Variants in GCC2 observed in about 807,000 individuals in gnomAD.
GCC2 encodes the protein GRIP and coiled-coil domain containing 2.
A neutral mutation model predicts 210.6 loss-of-function variants in GCC2; 120 were observed. The ratio of observed to expected loss-of-function variants is 0.57; its 90% CI spans 0.49 to 0.66. The LOEUF (loss-of-function observed/expected upper bound fraction) is 0.66, where lower values mean the gene tolerates loss of function less well. GCC2 is among the 30% of genes least tolerant of loss of function. The pLI, the probability that GCC2 is intolerant of heterozygous loss-of-function variation, is 0.00. For missense variants in GCC2, 1,868 were observed against 1,871.9 expected, an observed-to-expected ratio of 1.00 and a Z score of 0.04; for synonymous variants, 703 against 652.7, an observed-to-expected ratio of 1.08 and a Z score of -1.17.
At chr2:108,476,282 A>G (rs1681520166) in intron 9 of GCC2, among the ~76,000 whole-genome samples, 1 of 151,314 alleles carries the variant, frequency 6.6e-6, no homozygotes, top group Non-Finnish European at 1.5e-5. Context: ...CTGGTCTTGA[A>G]CTCCTGACCT....
At chr2:108,474,512 A>C (rs997766304) in intron 7 of GCC2, among the ~76,000 whole-genome samples, 1 of 152,192 alleles carries the variant, frequency 6.6e-6, no homozygotes, top group Non-Finnish European at 1.5e-5. Context: ...TTCTAGAAAA[A>C]AATGGGGGAG....
intron 19 of GCC2, chr2:108,494,482 C>T (rs1207572140): frequency 1.3e-5 from 2 of 152,042 alleles, no homozygotes; most frequent in Non-Finnish European, 2.9e-5. Context: ...TGTATGAGCA[C>T]TGTAGGTGTG....
intron 21 of GCC2, among the ~76,000 whole-genome samples, chr2:108,497,317 C>T (rs1682694188): frequency 6.6e-6 from 1 of 152,142 alleles, no homozygotes; most frequent in South Asian, 2.1e-4. Context: ...CAGGGTTTAC[C>T]ATGTTAGCCA....
chr2:108,457,797 G>A (rs1470336625), intron 4 of GCC2, among the ~76,000 whole-genome samples: 1 of 152,076 alleles, frequency 6.6e-6, no homozygotes, highest in Non-Finnish European at 1.5e-5. Context: ...TTTGTATGTT[G>A]AATTTGTATC....
chr2:108,507,698 C>T lies in GCC2; in HGVS notation c.*68C>T. On this transcript the variant is annotated 3_prime_UTR_variant, in exon 23 of 23. Transcript: ENST00000309863. ...TACAAAAATGGTTCACGTATATTAC[C>T]ACAATTCTTTTGTCAAAAAGTGTGT... 2.7e-6 allele frequency: 3 copies of T among 1,107,094 alleles called. No homozygotes were observed. In the South Asian group the frequency reaches 4.0e-5, roughly 15 times the overall value. The allele number at this position is 1,107,094 out of a possible 1,614,324, so 68.6% of individuals were successfully genotyped here.
At chr2:108,473,823 C>G (rs1681363339) in intron 7 of GCC2, among the ~76,000 whole-genome samples, 1 of 151,992 alleles carries the variant, frequency 6.6e-6, no homozygotes, top group Admixed American at 6.6e-5. Context: ...GAGAGCTAAG[C>G]TAGAGATAAA....
chr2:108,479,840 G>T (rs1458879308), intron 9 of GCC2, among the ~76,000 whole-genome samples: 2 of 151,972 alleles, frequency 1.3e-5, no homozygotes, highest in African/African-American at 2.4e-5. Flanking sequence ...AAATTAGCCA[G>T]GTGTGGTAGC....
chr2:108,483,972 A>G (rs1418541559), intron 12 of GCC2, among the ~76,000 whole-genome samples, 177 bp from the exon 13 acceptor site: 1 of 152,218 alleles, frequency 6.6e-6, no homozygotes, highest in Non-Finnish European at 1.5e-5. Context: ...TGTGAAATTA[A>G]AAAGTAGAAA....
In GCC2 at chr2:108,459,745, C is replaced by CTT. The variant is rs34052393; in HGVS notation, c.216+7311_216+7312dup. ...GCCATTAGATAATGACCTTCTTTGT[C>CTT]TTTTTTTTTTTTTTTTTTTTTTTTT... On this transcript the variant is annotated intron_variant, in intron 4 of 22. Coordinates refer to ENST00000309863, the MANE Select transcript of GCC2 (RefSeq NM_181453.4). Among the ~76,000 whole-genome samples, 168 of 26,712 alleles carry CTT rather than the reference C, an allele frequency of 6.3e-3. 6 individuals carry two copies. Among genetic ancestry groups the CTT allele is most frequent in the South Asian group, 0.022 (9 of 404 alleles). The allele number at this position is 26,712 out of a possible 152,430, so 17.5% of individuals were successfully genotyped here. A position where few individuals can be genotyped will look rare whatever the true frequency, so the allele number is the denominator to read the frequency against.
chr2:108,459,416 G>A (rs1385242049), intron 4 of GCC2, among the ~76,000 whole-genome samples: 3 of 152,200 alleles, frequency 2.0e-5, no homozygotes, highest in African/African-American at 7.2e-5. Context: ...CTTTTCTGAA[G>A]AATGAATGTT....
At chr2:108,463,780 G>T (rs1288889419) in intron 4 of GCC2, among the ~76,000 whole-genome samples, 1 of 152,162 alleles carries the variant, frequency 6.6e-6, no homozygotes, top group Non-Finnish European at 1.5e-5. Flanking sequence ...CAACAGCAGT[G>T]GTGGGACAAC....
At position 108,496,314 on chromosome 2, in the gene GCC2, AG is replaced by A. The variant is rs1682645743; in HGVS notation, c.4643-651del. The A allele has an allele frequency of 3.3e-5, 5 of 152,852 alleles. No homozygotes were observed. The South Asian group carries it at 1.0e-3, about 31-fold the overall frequency. 9.5% of individuals were successfully genotyped at this position (152,852 alleles called of 1,614,324 possible). Reference sequence around the variant, plus strand: ...TAATTAATATTACTGTTCAAAATTTAGGGGGAATCTGTCATCTCCCTGAAAC... The same window carrying A: ...TAATTAATATTACTGTTCAAAATTTAGGGGAATCTGTCATCTCCCTGAAAC... On this transcript the variant is annotated intron_variant, in intron 20 of 22. Transcript: ENST00000309863.
chr2:108,486,512 T>C lies in GCC2; in HGVS notation c.3794T>C (p.Ile1265Thr). The part of the protein sequence containing the change: ...ASQQQVEVYK[I>T]QLAEITSEKH... Reference sequence around the variant, plus strand: ...CTAAATTTAAAGATTTACCCCCAGATACAGCTGGCTGAAATAACATCAGAG... The same window carrying C: ...CTAAATTTAAAGATTTACCCCCAGACACAGCTGGCTGAAATAACATCAGAG... The change falls in exon 16 of 23, where the codon ATA (isoleucine) becomes ACA (threonine). Residue 1265 changes from isoleucine to threonine, a missense_variant and splice_region_variant. Coordinates refer to ENST00000309863, the MANE Select transcript of GCC2 (RefSeq NM_181453.4). 6.2e-7 allele frequency: 1 copy of C among 1,614,090 alleles called. No homozygotes were observed. The highest frequency in any genetic ancestry group is 8.5e-7 in the Non-Finnish European group (1 of 1,179,960).
chr2:108,494,322 C>G (rs917021254), intron 19 of GCC2: 1 of 151,806 alleles, frequency 6.6e-6, no homozygotes, highest in African/African-American at 2.4e-5. Flanking sequence ...TGCTGTGAGC[C>G]AAGATCGTGC....
chr2:108,497,035 A>G lies in GCC2; in HGVS notation c.4708A>G (p.Lys1570Glu), dbSNP rs769552985. The G allele has an allele frequency of 5.0e-6, 8 of 1,611,954 alleles. No homozygotes were observed. Among genetic ancestry groups the G allele is most frequent in the African/African-American group, 1.3e-5 (1 of 74,862 alleles). The change falls in exon 21 of 23, where the codon AAA (lysine) becomes GAA (glutamate). Residue 1570 changes from lysine (K) to glutamate (E), a missense_variant. By Grantham distance (56) the Lys-to-Glu change is moderately conservative (BLOSUM62 1). Coordinates refer to ENST00000309863, the MANE Select transcript of GCC2 (RefSeq NM_181453.4). ...ELVQKLSSTTKSADHLNGLLR... is the reference protein window; with the variant it reads ...ELVQKLSSTTESADHLNGLLR... ...GGTTCAGAAGCTCAGTTCCACCACAAAAAGTGCAGATCACTTAAACGGCCT... is the reference window on the plus strand; with the variant it reads ...GGTTCAGAAGCTCAGTTCCACCACAGAAAGTGCAGATCACTTAAACGGCCT...
At chr2:108,449,413 C>T in intron 1 of GCC2, 133 bp downstream of exon 1, 10 of 1,429,566 alleles carry the variant, frequency 7.0e-6, no homozygotes, top group East Asian at 2.5e-5. Context: ...GTCGCCTCCC[C>T]ATCTTTCGTA....
At chr2:108,502,539 C>G (rs1471045269) in intron 22 of GCC2, among the ~76,000 whole-genome samples, 1 of 152,180 alleles carries the variant, frequency 6.6e-6, no homozygotes, top group Non-Finnish European at 1.5e-5. Context: ...TACTACTTGT[C>G]TCTTATCAAT....
intron 17 of GCC2, 55 bp from the exon 18 acceptor site, chr2:108,489,783 C>T (rs1682317735): frequency 7.9e-7 from 1 of 1,263,084 alleles, no homozygotes; most frequent in Non-Finnish European, 1.1e-6. Flanking sequence ...TTTAAAACCA[C>T]AAAATCAAAT....
At chr2:108,451,384 A>C (rs558682755) in intron 3 of GCC2, among the ~76,000 whole-genome samples, 4 of 152,182 alleles carry the variant, frequency 2.6e-5, no homozygotes, top group Non-Finnish European at 5.9e-5. Context: ...TTTTTCCTTC[A>C]TGTAGACTTT....
Sources: gnomAD v4.1 joint callset for allele counts (sites outside exome capture counted in the v4.1 genomes callset) on GRCh38, gnomAD v4.1.1 for gene constraint, MANE v1.5 for transcripts, NCBI Gene and HGNC (gene_info 2026-07-23, HGNC 2026-07-21) for gene names.